Variants in CENPN observed in about 807,000 individuals in gnomAD.
CENPN encodes the protein interphase centromere complex protein 32.
A neutral mutation model predicts 48.6 loss-of-function variants in CENPN; 36 were observed. That is an observed-to-expected ratio of 0.74 (90% CI 0.57 to 0.98). The LOEUF is 0.98. CENPN is among the 50% of genes least tolerant of loss of function. The pLI, the probability that CENPN is intolerant of heterozygous loss-of-function variation, is 0.00. For missense variants in CENPN, 439 were observed against 399.2 expected (o/e 1.10, Z -0.85); for synonymous variants, 166 against 135.2 (o/e 1.23, Z -1.58).
At position 81,029,981 on chromosome 16, in the gene CENPN, A is replaced by G. The variant is rs1336799130; in HGVS notation, c.*1330A>G. ...GGCCTCACAATCATGGTGGAAGGCAAATGAGAAGCAAAGTCATGTCTTACA... is the reference window on the plus strand; with the variant it reads ...GGCCTCACAATCATGGTGGAAGGCAGATGAGAAGCAAAGTCATGTCTTACA... On this transcript the variant is annotated 3_prime_UTR_variant, in exon 11 of 11. Coordinates refer to ENST00000305850, the MANE Select transcript of CENPN (RefSeq NM_001100624.3). Among the ~76,000 whole-genome samples, 1 of 152,226 alleles carries G rather than the reference A, an allele frequency of 6.6e-6. No individual in the cohort carries two copies. The highest frequency in any genetic ancestry group is 2.4e-5 in the African/African-American group (1 of 41,460).
downstream of CENPN, chr16:81,032,489 G>A (rs900744086): frequency 3.6e-6 from 5 of 1,401,902 alleles, no homozygotes; most frequent in Non-Finnish European, 4.8e-6. Context: ...TCCCCACCAG[G>A]CACGTTAATA....
intron 8 of CENPN, 62 bp from the exon 9 acceptor site, chr16:81,026,464 G>A: frequency 1.4e-6 from 1 of 738,176 alleles, no homozygotes; most frequent in Admixed American, 2.4e-5. Flanking sequence ...AATGAAAGGA[G>A]GATAATTTAA....
chr16:81,022,718 T>C lies in CENPN; in HGVS notation c.633+20T>C. 1 of 1,614,100 alleles carries C rather than the reference T, an allele frequency of 6.2e-7. No homozygotes were observed. The highest frequency in any genetic ancestry group is 1.3e-5 in the African/African-American group (1 of 75,054). ...AATCAGGTGAGCCAATCAGTGACTCTCTTTAAAGGTAAATCTTTATTTTCT... is the reference window on the plus strand; with the variant it reads ...AATCAGGTGAGCCAATCAGTGACTCCCTTTAAAGGTAAATCTTTATTTTCT... On this transcript the variant is annotated intron_variant, in intron 7 of 10. Coordinates refer to ENST00000305850, the MANE Select transcript of CENPN (RefSeq NM_001100624.3).
chr16:81,020,754 A>C (rs888205193), intron 6 of CENPN, among the ~76,000 whole-genome samples: 6 of 152,186 alleles, frequency 3.9e-5, no homozygotes, highest in African/African-American at 1.4e-4. Context: ...CAAAATAACT[A>C]CTGTCAAAGT....
rs558829366 is a variant in CENPN at position 81,022,231 on chromosome 16, T to C, written c.532-366T>C. The C allele has an allele frequency of 1.4e-3, 337 of 243,938 alleles. 5 individuals are homozygous for C. The highest frequency in any genetic ancestry group is 7.1e-3 in the African/African-American group (305 of 42,852). The allele number at this position is 243,938 out of a possible 1,614,324, so 15.1% of individuals were successfully genotyped here. On this transcript the variant is annotated intron_variant, in intron 6 of 10. Coordinates refer to ENST00000305850, the MANE Select transcript of CENPN (RefSeq NM_001100624.3). Reference sequence around the variant, plus strand: ...TTTCTTCAGTATTTGCCAAAAAGCATACATATCTGCGTTTTTGTATGGCAA... The same window carrying C: ...TTTCTTCAGTATTTGCCAAAAAGCACACATATCTGCGTTTTTGTATGGCAA...
At chr16:81,032,762 C>T, downstream of CENPN, 1 of 1,476,268 alleles carries the variant, frequency 6.8e-7, no homozygotes, top group Non-Finnish European at 9.3e-7. Context: ...TGATATACAG[C>T]TAACTGCTAT....
In CENPN at chr16:81,030,255, T is replaced by C; in HGVS notation, c.*1604T>C. The stretch of plus-strand genomic sequence containing the variant: ...CGCCAGCATGTCTTTTTTAAACATT[T>C]TAAAATCTATTCTTTATCTTGTTTC... On this transcript the variant is annotated 3_prime_UTR_variant, in exon 11 of 11. Transcript: ENST00000305850. 6 of 985,442 alleles carry C rather than the reference T, an allele frequency of 6.1e-6. No individual in the cohort carries two copies. The highest frequency in any genetic ancestry group is 7.2e-6 in the Non-Finnish European group (6 of 829,936). 61.0% of individuals were successfully genotyped at this position (985,442 alleles called of 1,614,324 possible).
intron 8 of CENPN, 46 bp downstream of exon 8, chr16:81,024,824 C>T (rs779753236): frequency 1.6e-6 from 2 of 1,219,196 alleles, no homozygotes; most frequent in Non-Finnish European, 2.4e-6. Context: ...ATGCATCATT[C>T]CCTTATAGAT....
intron 2 of CENPN, 39 bp from the exon 3 acceptor site, chr16:81,014,097 T>G: frequency 6.3e-7 from 1 of 1,577,100 alleles, no homozygotes; most frequent in East Asian, 2.2e-5. Flanking sequence ...GAACCAAACC[T>G]ATAACCACAG....
At position 81,030,613 on chromosome 16, in the gene CENPN, G is replaced by A. The variant is rs967848108; in HGVS notation, c.*1962G>A. ...AAAATAGAAAAATTAGTTGGGGGTAGTGGCAGCCGCCTGTAATCCCAGCTA... is the reference window on the plus strand; with the variant it reads ...AAAATAGAAAAATTAGTTGGGGGTAATGGCAGCCGCCTGTAATCCCAGCTA... On this transcript the variant is annotated 3_prime_UTR_variant, in exon 11 of 11. Coordinates refer to ENST00000305850, the MANE Select transcript of CENPN (RefSeq NM_001100624.3). Among the ~76,000 whole-genome samples, 1 of 152,240 alleles carries A rather than the reference G, an allele frequency of 6.6e-6. No homozygotes were observed. The highest frequency in any genetic ancestry group is 1.5e-5 in the Non-Finnish European group (1 of 68,050).
rs980201806 is a variant in CENPN at position 81,030,205 on chromosome 16, T to C, written c.*1554T>C. On this transcript the variant is annotated 3_prime_UTR_variant, in exon 11 of 11. Coordinates refer to ENST00000305850, the MANE Select transcript of CENPN (RefSeq NM_001100624.3). ...CTTGTGTGGAGACACAGCCAAACCA[T>C]ATCACAGGCATGAGCTACCACGCCC... 3.0e-6 allele frequency: 3 copies of C among 985,442 alleles called. No individual in the cohort carries two copies. The highest frequency in any genetic ancestry group is 3.5e-5 in the African/African-American group (2 of 57,360). 61.0% of individuals were successfully genotyped at this position (985,442 alleles called of 1,614,324 possible). A position where few individuals can be genotyped will look rare whatever the true frequency, so the allele number is the denominator to read the frequency against.
intron 5 of CENPN, 33 bp downstream of exon 5, chr16:81,017,867 C>T (rs1454888733): frequency 7.7e-7 from 1 of 1,297,476 alleles, no homozygotes; most frequent in Non-Finnish European, 1.1e-6. Flanking sequence ...ACATAAAATT[C>T]AATGTCATGA....
intron 6 of CENPN, among the ~76,000 whole-genome samples, chr16:81,021,168 A>G (rs2060928): frequency 6.6e-6 from 1 of 151,992 alleles, no homozygotes; most frequent in South Asian, 2.1e-4. Flanking sequence ...TCATAATTGT[A>G]TAATTTGCTT....
intron 2 of CENPN, among the ~76,000 whole-genome samples, chr16:81,012,726 G>A (rs963004971): frequency 9.2e-5 from 14 of 152,288 alleles, no homozygotes; most frequent in African/African-American, 3.4e-4. Context: ...CTGCTGAGTA[G>A]CTGCGACTAC....
chr16:81,013,878 T>G (rs1236535234), intron 2 of CENPN, among the ~76,000 whole-genome samples: 2 of 152,214 alleles, frequency 1.3e-5, no homozygotes, highest in African/African-American at 4.8e-5. Context: ...ATAATTATAC[T>G]TCAATAAAGT....
chr16:81,028,771 A>G lies in CENPN; in HGVS notation c.*120A>G. The G allele has an allele frequency of 1.4e-6, 2 of 1,449,844 alleles. No homozygotes were observed. The highest frequency in any genetic ancestry group is 1.8e-6 in the Non-Finnish European group (2 of 1,104,878). The allele number at this position is 1,449,844 out of a possible 1,614,324, so 89.8% of individuals were successfully genotyped here. A position where few individuals can be genotyped will look rare whatever the true frequency, so the allele number is the denominator to read the frequency against. On this transcript the variant is annotated 3_prime_UTR_variant, in exon 11 of 11. Coordinates refer to ENST00000305850, the MANE Select transcript of CENPN (RefSeq NM_001100624.3). Reference sequence around the variant, plus strand: ...GTATTTTCAAGAATCCTTGGTATTGAATTTTTAGAAATGCTCACATAATTG... The same window carrying G: ...GTATTTTCAAGAATCCTTGGTATTGGATTTTTAGAAATGCTCACATAATTG...
intron 3 of CENPN, among the ~76,000 whole-genome samples, chr16:81,015,594 G>A (rs968676103): frequency 1.3e-5 from 2 of 152,226 alleles, no homozygotes; most frequent in African/African-American, 4.8e-5. Flanking sequence ...TTCAGCTATT[G>A]CTGAATTTGG....
intron 9 of CENPN, among the ~76,000 whole-genome samples, chr16:81,026,865 A>C (rs1970522689): frequency 2.0e-5 from 3 of 152,146 alleles, no homozygotes; most frequent in Admixed American, 1.3e-4. Context: ...GTGATGGCTC[A>C]CTGCAACCTC....
rs778242847 is a variant in CENPN, at chr16:81,024,730, A to G, written c.649A>G (p.Asn217Asp). The change falls in exon 8 of 11, where the codon AAC (asparagine) becomes GAC (aspartate). Residue 217 changes from asparagine to aspartate, a missense_variant. Transcript: ENST00000305850. ...TTTTCCCTAGACCTTTGAAACTCAC[A>G]ACTCTACGACACCTCTACAGGAAAG... ...KQYNQTFETHNSTTPLQERSL... is the reference protein window; with the variant it reads ...KQYNQTFETHDSTTPLQERSL... 11 of 1,609,894 alleles carry G rather than the reference A, an allele frequency of 6.8e-6. No homozygotes were observed. The African/African-American group carries it at 1.2e-4, about 18-fold the overall frequency.
Sources: gnomAD v4.1 joint callset for allele counts (sites outside exome capture counted in the v4.1 genomes callset) on GRCh38, gnomAD v4.1.1 for gene constraint, MANE v1.5 for transcripts, NCBI Gene and HGNC (gene_info 2026-07-23, HGNC 2026-07-21) for gene names.